Variants in SLC13A1 observed in about 807,000 individuals in gnomAD.
SLC13A1 encodes the protein solute carrier family 13 member 1, also known as Na(+)/sulfate cotransporter.
Under a neutral mutation model 70.0 loss-of-function variants are expected in SLC13A1, and 65 were observed. That is an observed-to-expected ratio of 0.93 (90% CI 0.76 to 1.14). The LOEUF (loss-of-function observed/expected upper bound fraction) is 1.14, where lower values mean the gene tolerates loss of function less well. Ranked by LOEUF, SLC13A1 falls within the 50% of genes most tolerant of loss-of-function variation. The pLI is 0.00. For synonymous variants in SLC13A1, 275 were observed against 250.5 expected (o/e 1.10, Z -0.92); for missense variants, 726 against 717.8 (o/e 1.01, Z -0.13).
In SLC13A1 at chr7:123,134,451, G is replaced by A; in HGVS notation, c.891C>T (p.Leu297=). Residue 297 remains leucine, a synonymous_variant, in exon 8 of 15, where the codon CTC becomes CTT. Coordinates refer to ENST00000194130, the MANE Select transcript of SLC13A1 (RefSeq NM_022444.4). ...GCCACTGAAGCCAGATCCAGGATAA[G>A]AGTAGAATGATAAGGGCAGCTGGGA... ...FSFPAALIIL[L]LSWIWLQWLF... The A allele has an allele frequency of 6.2e-7, 1 of 1,613,438 alleles. No homozygotes were observed. The highest frequency in any genetic ancestry group is 1.7e-4 in the Middle Eastern group (1 of 6,050).
At chr7:123,130,532 G>T (rs1793721933) in intron 8 of SLC13A1, among the ~76,000 whole-genome samples, 1 of 152,048 alleles carries the variant, frequency 6.6e-6, no homozygotes, top group African/African-American at 2.4e-5. Flanking sequence ...CATGGAACCA[G>T]GGAGAAGAAC....
At position 123,168,361 on chromosome 7, in the gene SLC13A1, C is replaced by A; in HGVS notation, c.660+13G>T. 2 of 1,531,834 alleles carry A rather than the reference C, an allele frequency of 1.3e-6. No individual in the cohort carries two copies. The highest frequency in any genetic ancestry group is 9.0e-7 in the Non-Finnish European group (1 of 1,115,764). The allele number at this position is 1,531,834 out of a possible 1,614,324, so 94.9% of individuals were successfully genotyped here. ...TTGTATATAATTATTTAGAAAGAATCAAATTTATGTACCTTTTCCAACTCC... is the reference window on the plus strand; with the variant it reads ...TTGTATATAATTATTTAGAAAGAATAAAATTTATGTACCTTTTCCAACTCC... On this transcript the variant is annotated intron_variant, in intron 6 of 14. Transcript: ENST00000194130.
At chr7:123,186,221 C>A (rs1334883283) in intron 1 of SLC13A1, among the ~76,000 whole-genome samples, 1 of 151,458 alleles carries the variant, frequency 6.6e-6, no homozygotes, top group Non-Finnish European at 1.5e-5. Flanking sequence ...GAAAAAAAAA[C>A]AACCATTTTC....
At chr7:123,167,769 A>AT (rs895691901) in intron 6 of SLC13A1, among the ~76,000 whole-genome samples, 47 of 151,824 alleles carry the variant, frequency 3.1e-4, no homozygotes, top group Non-Finnish European at 2.5e-4. Flanking sequence ...TTCTGCATTG[A>AT]TTTTTTTTAG....
At chr7:123,141,967 G>C (rs758567641) in intron 7 of SLC13A1, among the ~76,000 whole-genome samples, 2 of 151,912 alleles carry the variant, frequency 1.3e-5, no homozygotes. Flanking sequence ...TTGCCATTTT[G>C]TTATTATTTT....
chr7:123,140,080 TA>T (rs34001846), intron 7 of SLC13A1, among the ~76,000 whole-genome samples: 34,657 of 151,762 alleles, frequency 0.23, 4,693 homozygotes, highest in East Asian at 0.34. Flanking sequence ...CTTCTTTTTT[TA>T]AAAAAAATTG....
rs76633851 is a variant in SLC13A1, at chr7:123,172,204, G to A, written c.229-300C>T. ...TTTGTTTATGCATCTATAGTGGAAT[G>A]GCAATGACTGTGATTTGGGAACGTT... On this transcript the variant is annotated intron_variant, in intron 2 of 14. Transcript: ENST00000194130. Among the ~76,000 whole-genome samples, 554 of 152,292 alleles carry A rather than the reference G, an allele frequency of 3.6e-3. 4 individuals are homozygous for A. The highest frequency in any genetic ancestry group is 0.012 in the African/African-American group (508 of 41,570).
At chr7:123,167,668 A>T (rs1258557748) in intron 6 of SLC13A1, among the ~76,000 whole-genome samples, 2 of 152,130 alleles carry the variant, frequency 1.3e-5, no homozygotes, top group Admixed American at 6.6e-5. Context: ...AATGAATTCT[A>T]TGGGATAGTT....
intron 7 of SLC13A1, 130 bp from the exon 8 acceptor site, chr7:123,134,659 A>G: frequency 1.4e-6 from 1 of 736,984 alleles, no homozygotes; most frequent in Non-Finnish European, 2.1e-6. Flanking sequence ...GAATATACTC[A>G]TCATTAAATA....
At chr7:123,199,763 C>T (rs1796293968) in intron 1 of SLC13A1, 85 bp downstream of exon 1, 1 of 973,724 alleles carries the variant, frequency 1.0e-6, no homozygotes, top group East Asian at 2.4e-5. Flanking sequence ...AGCTCTGAGC[C>T]AGGCAGTTAA....
chr7:123,180,818 T>G (rs1303033191), intron 2 of SLC13A1, among the ~76,000 whole-genome samples, 155 bp downstream of exon 2: 2 of 152,098 alleles, frequency 1.3e-5, no homozygotes, highest in Non-Finnish European at 2.9e-5. Flanking sequence ...TGGACACACA[T>G]GCAGAATGCC....
chr7:123,143,973 T>G (rs779389065), intron 7 of SLC13A1, among the ~76,000 whole-genome samples: 25 of 152,036 alleles, frequency 1.6e-4, no homozygotes, highest in Non-Finnish European at 2.8e-4. Flanking sequence ...TAGAGTGGAG[T>G]AGATTTTAGT....
At chr7:123,175,836 C>A (rs978907134) in intron 2 of SLC13A1, among the ~76,000 whole-genome samples, 3 of 152,068 alleles carry the variant, frequency 2.0e-5, no homozygotes, top group Admixed American at 1.3e-4. Context: ...TAGAAGCAAG[C>A]CATTATTAGT....
chr7:123,115,640 C>T lies in SLC13A1; in HGVS notation c.1666G>A (p.Gly556Ser), dbSNP rs1338370351. The change falls in exon 15 of 15, where the codon GGT becomes AGT. Residue 556 changes from glycine (G) to serine (S), a missense_variant. Physicochemically the swap from Gly to Ser is moderately conservative, Grantham distance 56 (BLOSUM62 0). Transcript: ENST00000194130. Reference protein sequence around the residue: ...KVIDMVKAGLGVNIVGVAVVM... With the variant: ...KVIDMVKAGLSVNIVGVAVVM... ...ACAGCAACACCAACAATGTTGACAC[C>T]AAGTCCAGCTTTAACCTTGAACAGG... is the stretch of plus-strand genomic sequence containing the variant. 2.5e-6 allele frequency: 4 copies of T among 1,613,552 alleles called. No individual in the cohort carries two copies. The highest frequency in any genetic ancestry group is 1.3e-5 in the African/African-American group (1 of 74,904).
chr7:123,143,590 T>C (rs1182180935), intron 7 of SLC13A1, among the ~76,000 whole-genome samples: 1 of 152,182 alleles, frequency 6.6e-6, no homozygotes, highest in African/African-American at 2.4e-5. Flanking sequence ...ATGCTGCCAC[T>C]GCCAGGGAAT....
chr7:123,199,811 C>T (rs762378945), intron 1 of SLC13A1, 37 bp downstream of exon 1: 13 of 1,455,158 alleles, frequency 8.9e-6, no homozygotes, highest in East Asian at 2.3e-5. Context: ...TTAAATAAGT[C>T]AGGAAATCCA....
At chr7:123,178,700 C>T (rs547057477) in intron 2 of SLC13A1, among the ~76,000 whole-genome samples, 24 of 152,116 alleles carry the variant, frequency 1.6e-4, no homozygotes, top group African/African-American at 5.8e-4. Flanking sequence ...AGGTAAGTTA[C>T]CCTGTCGGCA....
intron 1 of SLC13A1, among the ~76,000 whole-genome samples, chr7:123,195,073 T>C (rs1025822426): frequency 6.6e-6 from 1 of 152,162 alleles, no homozygotes; most frequent in Non-Finnish European, 1.5e-5. Flanking sequence ...ACAGAAACAT[T>C]AATTTAAACT....
intron 7 of SLC13A1, among the ~76,000 whole-genome samples, chr7:123,137,686 G>C (rs1298856828): frequency 6.6e-6 from 1 of 152,160 alleles, no homozygotes; most frequent in Non-Finnish European, 1.5e-5. Flanking sequence ...TACAGGCCCA[G>C]TTGCCACCCT....
Sources: gnomAD v4.1 joint callset for allele counts (sites outside exome capture counted in the v4.1 genomes callset) on GRCh38, gnomAD v4.1.1 for gene constraint, MANE v1.5 for transcripts, NCBI Gene and HGNC (gene_info 2026-07-23, HGNC 2026-07-21) for gene names.